Variants in TBX18 observed in about 807,000 individuals in gnomAD.
TBX18 encodes T-box transcription factor 18.
TBX18 carries 21 observed loss-of-function variants against 55.0 expected under a neutral mutation model. The observed-to-expected ratio is 0.38, with a 90% CI of 0.27 to 0.55. The LOEUF (loss-of-function observed/expected upper bound fraction) is 0.55, where lower values mean the gene tolerates loss of function less well. TBX18 is among the 20% of genes least tolerant of loss of function. TBX18 has a pLI of 0.73. For missense variants in TBX18, 840 were observed against 799.6 expected (o/e 1.05, Z -0.61); for synonymous variants, 342 against 326.1 (o/e 1.05, Z -0.53).
intron 1 of TBX18, 42 bp from the exon 2 acceptor site, chr6:84,762,790 C>A (rs1027800701): frequency 2.6e-6 from 4 of 1,555,602 alleles, no homozygotes; most frequent in Non-Finnish European, 3.5e-6. Context: ...GTGAGGGAAA[C>A]AGAGGGGAAG....
At chr6:84,739,532 C>A (rs547412688) in intron 6 of TBX18, among the ~76,000 whole-genome samples, 17 of 152,096 alleles carry the variant, frequency 1.1e-4, no homozygotes, top group Non-Finnish European at 2.4e-4. Flanking sequence ...CCTGAGACCT[C>A]ATCACTCTTC....
intron 6 of TBX18, chr6:84,742,611 T>C (rs1767073650): frequency 1.3e-5 from 2 of 152,150 alleles, no homozygotes; most frequent in African/African-American, 2.4e-5. Context: ...ATGGACTATA[T>C]ACAAGCATGT....
chr6:84,756,918 G>T, intron 3 of TBX18, 49 bp from the exon 4 acceptor site: 1 of 1,547,698 alleles, frequency 6.5e-7, no homozygotes, highest in Non-Finnish European at 8.9e-7. Flanking sequence ...ATCTTGGCAT[G>T]TCCAACTCAG....
chr6:84,763,021 T>C, intron 1 of TBX18: 3 of 542,220 alleles, frequency 5.5e-6, no homozygotes, highest in Non-Finnish European at 9.8e-6. Context: ...CCCCACCCGC[T>C]GGGCCTCCGC....
chr6:84,758,546 A>T (rs1767558031), intron 3 of TBX18, among the ~76,000 whole-genome samples: 1 of 152,122 alleles, frequency 6.6e-6, no homozygotes, highest in Non-Finnish European at 1.5e-5. Context: ...TTTTAACTTG[A>T]TTAAATACCA....
chr6:84,744,778 C>T (rs1301225085), intron 5 of TBX18, among the ~76,000 whole-genome samples: 2 of 152,176 alleles, frequency 1.3e-5, no homozygotes, highest in Non-Finnish European at 2.9e-5. Flanking sequence ...TGTTAAGCTC[C>T]TACAGAGCTT....
intron 5 of TBX18, among the ~76,000 whole-genome samples, chr6:84,745,469 C>T (rs920335007): frequency 2.6e-5 from 4 of 152,112 alleles, no homozygotes; most frequent in African/African-American, 9.7e-5. Flanking sequence ...AAGTCATCTG[C>T]AGTCCCCCTA....
Position 84,737,357 on chromosome 6 carries a change from G to A in TBX18, c.1152C>T (p.Ala384=). The change falls in exon 8 of 8, where the codon GCC becomes GCT. Residue 384 remains alanine (A), a synonymous_variant. Transcript: ENST00000369663. ...AGCCAGACAAAAGGTGAGGGTGAGT[G>A]GCAGGAACGCCATTCCCAGTACCTT... ...LLQGTGNGVP[A]THPHLLSGSS... is the part of the protein sequence containing the mutation. 1.3e-6 allele frequency: 2 copies of A among 1,556,434 alleles called. No individual in the cohort carries two copies. Among genetic ancestry groups the A allele is most frequent in the Non-Finnish European group, 1.7e-6 (2 of 1,154,294 alleles).
At chr6:84,763,199 C>G (rs899171744) in intron 1 of TBX18, 2 of 361,096 alleles carry the variant, frequency 5.5e-6, no homozygotes, top group African/African-American at 2.1e-5. Flanking sequence ...GTCCCAAGAG[C>G]CTGGGCCTCC....
intron 6 of TBX18, among the ~76,000 whole-genome samples, chr6:84,743,230 G>C (rs944999677): frequency 1.3e-5 from 2 of 152,122 alleles, no homozygotes; most frequent in Non-Finnish European, 2.9e-5. Context: ...ATGTTGCGTG[G>C]TGTTTCAATG....
intron 3 of TBX18, among the ~76,000 whole-genome samples, chr6:84,757,815 C>A (rs1008295559): frequency 9.2e-5 from 14 of 151,684 alleles, no homozygotes; most frequent in Admixed American, 7.2e-4. Flanking sequence ...ACTAGTATAA[C>A]AATGAAGAAA....
chr6:84,753,330 C>A (rs1488622031), intron 4 of TBX18, among the ~76,000 whole-genome samples: 1 of 151,940 alleles, frequency 6.6e-6, no homozygotes, highest in Non-Finnish European at 1.5e-5. Flanking sequence ...TTGATTCCTG[C>A]AATCATTTTG....
At chr6:84,760,108 G>A (rs1273588139) in intron 3 of TBX18, 147 bp downstream of exon 3, 7 of 430,208 alleles carry the variant, frequency 1.6e-5, no homozygotes, top group Middle Eastern at 6.2e-4. Context: ...CATCTGGGCC[G>A]CTGGCACCCA....
At position 84,762,621 on chromosome 6, in the gene TBX18, C is replaced by T. The variant is rs138359531; in HGVS notation, c.420G>A (p.Arg140=). ...AGAGCTCGGCTCCCTGCAGATCCACCCGCGGGGCCTGCGGCGAGGGCAGAG... is the reference window on the plus strand; with the variant it reads ...AGAGCTCGGCTCCCTGCAGATCCACTCGCGGGGCCTGCGGCGAGGGCAGAG... ...GTPLPSPQAP[R]VDLQGAELWK... is the part of the protein sequence containing the mutation. Residue 140 remains arginine, a synonymous_variant, in exon 2 of 8, where the codon CGG becomes CGA. Coordinates refer to ENST00000369663, the MANE Select transcript of TBX18 (RefSeq NM_001080508.3). 2.5e-6 allele frequency: 4 copies of T among 1,612,986 alleles called. No homozygotes were observed. In the African/African-American group the frequency reaches 4.0e-5, roughly 16 times the overall value.
In TBX18 at chr6:84,746,189, G is replaced by A. The variant is rs149192024; in HGVS notation, c.939+1731C>T. 6.7e-3 allele frequency among the ~76,000 whole-genome samples: 1,017 copies of A among 152,010 alleles called. 3 individuals carry two copies. The highest frequency in any genetic ancestry group is 0.02 in the Middle Eastern group (6 of 294). On this transcript the variant is annotated intron_variant, in intron 5 of 7. Transcript: ENST00000369663. ...TGCACTTACTGTACCACAGAGGGTG[G>A]AAGAAAATATGCAAAGTGCACAGTT...
chr6:84,761,085 G>A (rs1392634967), intron 2 of TBX18, among the ~76,000 whole-genome samples: 1 of 152,114 alleles, frequency 6.6e-6, no homozygotes, highest in Non-Finnish European at 1.5e-5. Flanking sequence ...CATATCAAAG[G>A]AGATGCTAGA....
intron 3 of TBX18, 25 bp downstream of exon 3, chr6:84,760,228 TAA>T (rs1480304905): frequency 2.9e-6 from 4 of 1,387,900 alleles, no homozygotes; most frequent in Admixed American, 2.3e-5. Context: ...TTTTTTTTTT[TAA>T]TTGTTCAGTA....
At chr6:84,743,607 T>C (rs1465924302) in intron 6 of TBX18, among the ~76,000 whole-genome samples, 1 of 152,136 alleles carries the variant, frequency 6.6e-6, no homozygotes, top group Non-Finnish European at 1.5e-5. Flanking sequence ...CTGAACTATA[T>C]TGGAGTAGAG....
chr6:84,746,790 G>A (rs1289194877), intron 5 of TBX18, among the ~76,000 whole-genome samples: 3 of 149,490 alleles, frequency 2.0e-5, no homozygotes, highest in Non-Finnish European at 4.4e-5. Context: ...TTATTAGCAT[G>A]GTCCTATATT....
Sources: gnomAD v4.1 joint callset for allele counts (sites outside exome capture counted in the v4.1 genomes callset) on GRCh38, gnomAD v4.1.1 for gene constraint, MANE v1.5 for transcripts, NCBI Gene and HGNC (gene_info 2026-07-23, HGNC 2026-07-21) for gene names.